The following DCLK1 variants were observed in gnomAD, a reference collection of about 807,000 sequenced individuals.
DCLK1 encodes the protein doublecortin like kinase 1, also known as serine/threonine-protein kinase DCLK1.
Under a neutral mutation model 86.2 loss-of-function variants are expected in DCLK1, and 16 were observed. The ratio of observed to expected loss-of-function variants is 0.19; its 90% confidence interval spans 0.13 to 0.28. The LOEUF (loss-of-function observed/expected upper bound fraction) is 0.28, where lower values mean the gene tolerates loss of function less well. Among genes scored for constraint, DCLK1 ranks in the 10% least tolerant of loss-of-function variants. The probability of loss-of-function intolerance (pLI) is 1.00; values close to 1 mark genes in which losing one functional copy is unlikely to be tolerated. For synonymous variants in DCLK1, 369 were observed against 370.5 expected (o/e 1.00, Z 0.05); for missense variants, 590 against 940.2 (o/e 0.63, Z 4.87).
At chr13:35,865,237 C>A (rs995508753) in intron 5 of DCLK1, among the ~76,000 whole-genome samples, 19 of 152,054 alleles carry the variant, frequency 1.2e-4, no homozygotes, top group Admixed American at 1.3e-4. Flanking sequence ...CAGAGTGAGA[C>A]CCTGTCTCAA....
At chr13:36,069,864 A>T (rs993283035) in intron 3 of DCLK1, among the ~76,000 whole-genome samples, 1 of 152,178 alleles carries the variant, frequency 6.6e-6, no homozygotes, top group Non-Finnish European at 1.5e-5. Context: ...TTGGTGCTAT[A>T]CCTTAAAATT....
chr13:36,118,651 C>T (rs1382441409), intron 2 of DCLK1, among the ~76,000 whole-genome samples: 1 of 152,064 alleles, frequency 6.6e-6, no homozygotes, highest in Non-Finnish European at 1.5e-5. Context: ...TTAGCAGAAT[C>T]AACCGAATTT....
intron 4 of DCLK1, among the ~76,000 whole-genome samples, chr13:35,896,349 A>G (rs571530129): frequency 2.7e-4 from 41 of 151,888 alleles, no homozygotes; most frequent in African/African-American, 9.4e-4. Context: ...GACCAGCCTG[A>G]CCAACATGGT....
chr13:35,937,545 T>C (rs903708431), intron 4 of DCLK1, among the ~76,000 whole-genome samples: 1 of 152,158 alleles, frequency 6.6e-6, no homozygotes, highest in African/African-American at 2.4e-5. Flanking sequence ...ACTCCCATTT[T>C]GAATGACTAT....
At chr13:35,891,394 T>C (rs900823094) in intron 4 of DCLK1, among the ~76,000 whole-genome samples, 2 of 152,226 alleles carry the variant, frequency 1.3e-5, no homozygotes, top group South Asian at 4.1e-4. Context: ...ATTATAACAT[T>C]ACTTTTGTAA....
intron 3 of DCLK1, among the ~76,000 whole-genome samples, chr13:35,991,101 C>T (rs1180618645): frequency 6.6e-6 from 1 of 152,082 alleles, no homozygotes; most frequent in African/African-American, 2.4e-5. Context: ...ATTTCACCCA[C>T]CTCCCCTTCT....
At chr13:35,943,776 A>ATCACTT (rs1351323158) in intron 4 of DCLK1, among the ~76,000 whole-genome samples, 2 of 152,172 alleles carry the variant, frequency 1.3e-5, no homozygotes, top group Non-Finnish European at 2.9e-5. Context: ...ACAAAACCCT[A>ATCACTT]TCACTTTTAA....
intron 4 of DCLK1, among the ~76,000 whole-genome samples, chr13:35,945,681 C>T (rs911750574): frequency 8.5e-5 from 13 of 152,136 alleles, no homozygotes; most frequent in African/African-American, 3.1e-4. Flanking sequence ...GCTGTCAACT[C>T]TTCTGTCTGA....
In DCLK1 at chr13:35,917,048, C is replaced by T. The variant is rs534234759; in HGVS notation, c.823+30310G>A. Among the ~76,000 whole-genome samples the T allele has an allele frequency of 1.0e-3, 159 of 152,306 alleles. 1 individual carries two copies. The highest frequency in any genetic ancestry group is 3.5e-3 in the African/African-American group (146 of 41,556). Reference sequence around the variant, plus strand: ...GGCCACAGAGAAGAATCTGAACAAACAGGCCTTGCTTAACCCCCCAGTTCA... The same window carrying T: ...GGCCACAGAGAAGAATCTGAACAAATAGGCCTTGCTTAACCCCCCAGTTCA... On this transcript the variant is annotated intron_variant, in intron 4 of 16. Transcript: ENST00000360631.
chr13:36,042,961 G>A (rs755817661), intron 3 of DCLK1, among the ~76,000 whole-genome samples: 1 of 152,028 alleles, frequency 6.6e-6, no homozygotes, highest in Non-Finnish European at 1.5e-5. Flanking sequence ...GCATATATTT[G>A]TTCACTCAAA....
intron 3 of DCLK1, among the ~76,000 whole-genome samples, chr13:35,959,014 CAG>C (rs1473536620): frequency 1.3e-5 from 2 of 152,100 alleles, no homozygotes; most frequent in Non-Finnish European, 2.9e-5. Context: ...AAAAAAAGTA[CAG>C]TTCAAAATGA....
At chr13:35,833,443 C>T (rs1201914358) in intron 8 of DCLK1, among the ~76,000 whole-genome samples, 2 of 152,174 alleles carry the variant, frequency 1.3e-5, no homozygotes, top group Non-Finnish European at 2.9e-5. Flanking sequence ...CAAAGTAGAG[C>T]ATGTCTCTTC....
chr13:35,944,883 G>A (rs1668280423), intron 4 of DCLK1, among the ~76,000 whole-genome samples: 1 of 151,880 alleles, frequency 6.6e-6, no homozygotes, highest in Non-Finnish European at 1.5e-5. Context: ...TAATCTGTGT[G>A]CATTCTTTTT....
At chr13:36,123,578 G>A (rs2138215121) in intron 2 of DCLK1, among the ~76,000 whole-genome samples, 1 of 152,324 alleles carries the variant, frequency 6.6e-6, no homozygotes, top group South Asian at 2.1e-4. Context: ...ATGAGCTCAA[G>A]CTTTGGCACT....
chr13:35,960,161 A>G lies in DCLK1; in HGVS notation c.724-12704T>C, dbSNP rs9593624. Among the ~76,000 whole-genome samples, 287 of 152,248 alleles carry G rather than the reference A, an allele frequency of 1.9e-3. 1 individual carries two copies. The highest frequency in any genetic ancestry group is 6.6e-3 in the African/African-American group (274 of 41,558). On this transcript the variant is annotated intron_variant, in intron 3 of 16. Transcript: ENST00000360631. ...CTAAACCCCTCCAATAAAGCCAAGA[A>G]GCTCCTTCTACTTCCCTTTCTCCCC...
chr13:35,821,663 T>C (rs2087395873), intron 11 of DCLK1, among the ~76,000 whole-genome samples: 2 of 109,236 alleles, frequency 1.8e-5, no homozygotes, highest in Admixed American at 9.2e-5. Flanking sequence ...GATATATATA[T>C]AAATATATGT....
At chr13:36,055,060 T>C (rs982719157) in intron 3 of DCLK1, among the ~76,000 whole-genome samples, 2 of 152,012 alleles carry the variant, frequency 1.3e-5, no homozygotes, top group Non-Finnish European at 2.9e-5. Context: ...AAGAGACAGA[T>C]TTCACAAAAC....
intron 3 of DCLK1, among the ~76,000 whole-genome samples, chr13:35,958,991 C>A (rs1449015524): frequency 1.3e-5 from 2 of 151,888 alleles, no homozygotes; most frequent in African/African-American, 4.8e-5. Flanking sequence ...AGAGAGATGG[C>A]AATAGTAAGA....
In DCLK1 at chr13:35,941,219, C is replaced by T. The variant is rs1404487375; in HGVS notation, c.823+6139G>A. ...TGCCATTACTTTTAATGGCAGAAGC[C>T]GTGATTACTTTTGCAGCAACCTAAT... On this transcript the variant is annotated intron_variant, in intron 4 of 16. Coordinates refer to ENST00000360631, the MANE Select transcript of DCLK1 (RefSeq NM_001330071.2). 3.3e-5 allele frequency among the ~76,000 whole-genome samples: 5 copies of T among 152,062 alleles called. No homozygotes were observed. The East Asian group carries it at 5.8e-4, about 18-fold the overall frequency.
Sources: allele counts gnomAD v4.1 joint callset (sites outside exome capture counted in the v4.1 genomes callset), GRCh38; gene constraint gnomAD v4.1.1; transcripts MANE v1.5; gene names NCBI Gene and HGNC (gene_info 2026-07-23, HGNC 2026-07-21).